LTN1: variants seen among roughly 807,000 people sequenced by gnomAD.
The protein encoded by LTN1 is listerin E3 ubiquitin protein ligase 1.
LTN1 carries 88 observed loss-of-function variants against 201.2 expected under a neutral mutation model. The observed-to-expected ratio is 0.44, with a 90% confidence interval of 0.37 to 0.52. The LOEUF is 0.52. Among genes scored for constraint, LTN1 ranks in the 20% least tolerant of loss-of-function variants. The pLI is 0.00. For synonymous variants in LTN1, 645 were observed against 713.5 expected, an observed-to-expected ratio of 0.90 and a Z score of 1.53; for missense variants, 1,752 against 2,038.7, an observed-to-expected ratio of 0.86 and a Z score of 2.71.
intron 1 of LTN1, among the ~76,000 whole-genome samples, chr21:28,987,403 C>T (rs2084706538): frequency 6.6e-6 from 1 of 152,136 alleles, no homozygotes; most frequent in African/African-American, 2.4e-5. Context: ...TCCTTTCATT[C>T]ACCCATTAAA....
chr21:28,982,305 A>G lies in LTN1; in HGVS notation c.629+11T>C, dbSNP rs1325877155. The G allele has an allele frequency of 2.5e-6, 4 of 1,607,372 alleles. No individual in the cohort carries two copies. Among genetic ancestry groups the G allele is most frequent in the Non-Finnish European group, 3.4e-6 (4 of 1,173,888 alleles). On this transcript the variant is annotated intron_variant, in intron 5 of 29. Transcript: ENST00000361371. Reference sequence around the variant, plus strand: ...CCTTAACATGAGTTACAATGAAACAATACAACTTACTGCGGGTCACTGAGT... The same window carrying G: ...CCTTAACATGAGTTACAATGAAACAGTACAACTTACTGCGGGTCACTGAGT...
rs2084243228 is a variant in LTN1 at position 28,935,052 on chromosome 21, G to C, written c.4875+57C>G. ...TACAGTCTGTTATGATATTAACAAT[G>C]ACAGACATACCCAATATTAAAACAA... On this transcript the variant is annotated intron_variant, in intron 27 of 29. Coordinates refer to ENST00000361371, the MANE Select transcript of LTN1 (RefSeq NM_015565.3). 3.7e-6 allele frequency: 4 copies of C among 1,081,474 alleles called. No individual in the cohort carries two copies. The South Asian group carries it at 5.1e-5, about 14-fold the overall frequency. The allele number at this position is 1,081,474 out of a possible 1,614,324, so 67.0% of individuals were successfully genotyped here. A position where few individuals can be genotyped will look rare whatever the true frequency, so the allele number is the denominator to read the frequency against.
intron 11 of LTN1, among the ~76,000 whole-genome samples, chr21:28,963,837 G>A (rs1411102690): frequency 6.6e-6 from 1 of 152,208 alleles, no homozygotes; most frequent in East Asian, 1.9e-4. Context: ...ATTAATAGGA[G>A]TTGAGAAGCT....
chr21:28,943,244 T>G lies in LTN1; in HGVS notation c.4295+18A>C. The stretch of plus-strand genomic sequence containing the variant: ...ATTATAAGAATTTAATAAAACAAAT[T>G]ATTTAAAAAAACCTTACAAGGCTGG... On this transcript the variant is annotated intron_variant, in intron 24 of 29. Coordinates refer to ENST00000361371, the MANE Select transcript of LTN1 (RefSeq NM_015565.3). 2.0e-6 allele frequency: 3 copies of G among 1,512,448 alleles called. No homozygotes were observed. Among genetic ancestry groups the G allele is most frequent in the Non-Finnish European group, 2.7e-6 (3 of 1,094,734 alleles). 93.7% of individuals were successfully genotyped at this position (1,512,448 alleles called of 1,614,324 possible). A position where few individuals can be genotyped will look rare whatever the true frequency, so the allele number is the denominator to read the frequency against.
Position 28,953,284 on chromosome 21 carries a change from T to C in LTN1, c.3172A>G (p.Asn1058Asp). The C allele has an allele frequency of 6.2e-7, 1 of 1,608,308 alleles. No homozygotes were observed. Among genetic ancestry groups the C allele is most frequent in the Middle Eastern group, 1.7e-4 (1 of 6,024 alleles). The change falls in exon 17 of 30, where the codon AAT (asparagine) becomes GAT (aspartate). Residue 1058 changes from asparagine (N) to aspartate (D), a missense_variant. Physicochemically the swap from Asn to Asp is conservative, Grantham distance 23. Coordinates refer to ENST00000361371, the MANE Select transcript of LTN1 (RefSeq NM_015565.3). ...IGFCEILQKM[N>D]ITYDNLRVLG... ...ACACGTAAGTTATCATACGTAATAT[T>C]CATTTTTTGAAGTATTTCACAAAAT...
chr21:28,964,519 G>A, intron 11 of LTN1: 1 of 1,442,764 alleles, frequency 6.9e-7, no homozygotes, highest in Non-Finnish European at 9.2e-7. Flanking sequence ...TATATGCACT[G>A]GCAATCCAAA....
Position 28,944,731 on chromosome 21 carries a change from G to A in LTN1, c.3769-135C>T, listed in dbSNP as rs530476486. ...AAAGCAGTTGAGGTGTGTAATCTCAGGAGAAACATAAAATTTTACATCAAA... is the reference window on the plus strand; with the variant it reads ...AAAGCAGTTGAGGTGTGTAATCTCAAGAGAAACATAAAATTTTACATCAAA... On this transcript the variant is annotated intron_variant, in intron 21 of 29. Coordinates refer to ENST00000361371, the MANE Select transcript of LTN1 (RefSeq NM_015565.3). 1.5e-4 allele frequency: 94 copies of A among 610,858 alleles called. No homozygotes were observed. In the African/African-American group the frequency reaches 1.6e-3, roughly 10 times the overall value. The allele number at this position is 610,858 out of a possible 1,614,324, so 37.8% of individuals were successfully genotyped here.
At chr21:28,964,229 T>C (rs181110705) in intron 11 of LTN1, among the ~76,000 whole-genome samples, 23 of 152,308 alleles carry the variant, frequency 1.5e-4, no homozygotes, top group African/African-American at 5.5e-4. Flanking sequence ...AAATCTTTCA[T>C]GAAAGGAAGA....
intron 11 of LTN1, chr21:28,964,624 G>A (rs2146295769): frequency 5.8e-6 from 9 of 1,549,906 alleles, no homozygotes; most frequent in Non-Finnish European, 7.0e-6. Flanking sequence ...GAAAGAAGCT[G>A]CCTAGCTGTA....
At chr21:28,934,149 T>C (rs1374936169) in intron 27 of LTN1, among the ~76,000 whole-genome samples, 2 of 152,154 alleles carry the variant, frequency 1.3e-5, no homozygotes, top group Non-Finnish European at 2.9e-5. Flanking sequence ...AATGCAAAAA[T>C]AATTATCAGT....
At position 28,947,589 on chromosome 21, in the gene LTN1, TC is replaced by T. The variant is rs757219750; in HGVS notation, c.3361del (p.Glu1121LysfsTer60). On this transcript the variant is annotated frameshift_variant, in exon 19 of 30. Transcript: ENST00000361371. LOFTEE classifies it high-confidence loss of function. ...ACTTTGAATGGTATGCAAATTGCCT[TC>T]AGTTAGTGGAAAAAAACTGTTTAAA... ...KRKESFFPLTEGNLHTIQSLC... is the reference protein window; with the variant it reads ...KRKESFFPLTXGNLHTIQSLC... 3 of 1,562,848 alleles carry T rather than the reference TC, an allele frequency of 1.9e-6. No homozygotes were observed. The South Asian group carries it at 3.7e-5, about 19-fold the overall frequency.
In LTN1 at chr21:28,957,385, C is replaced by T. The variant is rs1485134528; in HGVS notation, c.2839G>A (p.Val947Ile). Residue 947 changes from valine (V) to isoleucine (I), a missense_variant, in exon 15 of 30, where the codon GTA becomes ATA. By Grantham distance (29) the Val-to-Ile change is conservative. Coordinates refer to ENST00000361371, the MANE Select transcript of LTN1 (RefSeq NM_015565.3). ...TCCCATTCACTGTCGTTCGGCATTACACTTCCAATATAAACTCCCATAAGA... is the reference window on the plus strand; with the variant it reads ...TCCCATTCACTGTCGTTCGGCATTATACTTCCAATATAAACTCCCATAAGA... ...SYLMGVYIGS[V>I]MPNDSEWEKM... 1.9e-6 allele frequency: 3 copies of T among 1,606,920 alleles called. No individual in the cohort carries two copies. Among genetic ancestry groups the T allele is most frequent in the East Asian group, 4.5e-5 (2 of 44,750 alleles).
At chr21:28,951,086 TG>T (rs1322125074) in intron 18 of LTN1, among the ~76,000 whole-genome samples, 4 of 147,698 alleles carry the variant, frequency 2.7e-5, no homozygotes, top group Non-Finnish European at 6.0e-5. Flanking sequence ...ACTGTATCAA[TG>T]CCTTTTCCTT....
At position 28,946,171 on chromosome 21, in the gene LTN1, C is replaced by A; in HGVS notation, c.3604G>T (p.Asp1202Tyr). 4 of 1,581,218 alleles carry A rather than the reference C, an allele frequency of 2.5e-6. No individual in the cohort carries two copies. The highest frequency in any genetic ancestry group is 3.4e-6 in the Non-Finnish European group (4 of 1,164,806). ...IIISWKKEHEDIFLFSCNLSE... is the reference protein window; with the variant it reads ...IIISWKKEHEYIFLFSCNLSE... Reference sequence around the variant, plus strand: ...ACCTACCAACTGAAAAGAAAAATATCTTCATGCTCTTTCTTCCAGGATATT... The same window carrying A: ...ACCTACCAACTGAAAAGAAAAATATATTCATGCTCTTTCTTCCAGGATATT... The change falls in exon 20 of 30, where the codon GAT becomes TAT. Residue 1202 changes from aspartate (D) to tyrosine (Y), a missense_variant. Coordinates refer to ENST00000361371, the MANE Select transcript of LTN1 (RefSeq NM_015565.3).
chr21:28,966,692 A>G lies in LTN1; in HGVS notation c.1799T>C (p.Ile600Thr), dbSNP rs938201780. 2 of 1,614,038 alleles carry G rather than the reference A, an allele frequency of 1.2e-6. No individual in the cohort carries two copies. The highest frequency in any genetic ancestry group is 1.7e-6 in the Non-Finnish European group (2 of 1,179,974). ...TCGTTCATTGACATAATTAATACTTATATCTGCGAGTTTACAGACTAAGTC... is the reference window on the plus strand; with the variant it reads ...TCGTTCATTGACATAATTAATACTTGTATCTGCGAGTTTACAGACTAAGTC... ...LEDLVCKLAD[I>T]SINYVNERKS... Residue 600 changes from isoleucine (I) to threonine (T), a missense_variant, in exon 10 of 30, where the codon ATA (isoleucine) becomes ACA (threonine). Ile to Thr is a moderately conservative substitution (Grantham distance 89). Transcript: ENST00000361371.
chr21:28,965,770 A>G (rs2084516215), intron 11 of LTN1, 95 bp downstream of exon 11: 1 of 686,844 alleles, frequency 1.5e-6, no homozygotes, highest in East Asian at 3.0e-5. Flanking sequence ...GAACCTGACT[A>G]TCTGACCATA....
intron 13 of LTN1, among the ~76,000 whole-genome samples, chr21:28,958,999 T>G (rs2084450876): frequency 6.6e-6 from 1 of 152,176 alleles, no homozygotes; most frequent in African/African-American, 2.4e-5. Context: ...GATAGTATTT[T>G]TTTATGTTCC....
intron 1 of LTN1, among the ~76,000 whole-genome samples, chr21:28,989,748 C>T (rs918155990): frequency 6.6e-6 from 1 of 152,156 alleles, no homozygotes; most frequent in Non-Finnish European, 1.5e-5. Flanking sequence ...TGGCTCACAC[C>T]TGTAATCCCA....
In LTN1 at chr21:28,971,539, C is replaced by T. The variant is rs927345297; in HGVS notation, c.811-95G>A. 28 of 1,096,620 alleles carry T rather than the reference C, an allele frequency of 2.6e-5. No individual in the cohort carries two copies. The African/African-American group carries it at 3.8e-4, about 15-fold the overall frequency. The allele number at this position is 1,096,620 out of a possible 1,614,324, so 67.9% of individuals were successfully genotyped here. On this transcript the variant is annotated intron_variant, in intron 6 of 29. Coordinates refer to ENST00000361371, the MANE Select transcript of LTN1 (RefSeq NM_015565.3). Reference sequence around the variant, plus strand: ...TAGTAGATTATTCACACTAACCCTCCCACTAAGAAAACTAAAATAGCTAGA... The same window carrying T: ...TAGTAGATTATTCACACTAACCCTCTCACTAAGAAAACTAAAATAGCTAGA...
Sources: allele counts gnomAD v4.1 joint callset (sites outside exome capture counted in the v4.1 genomes callset), GRCh38; gene constraint gnomAD v4.1.1; transcripts MANE v1.5; gene names NCBI Gene and HGNC (gene_info 2026-07-23, HGNC 2026-07-21).